CFAP54: variants seen among roughly 807,000 people sequenced by gnomAD.
The protein encoded by CFAP54 is cilia- and flagella-associated protein 54.
In CFAP54, 290 loss-of-function variants were observed where a neutral mutation model predicts 370.4. The observed-to-expected ratio is 0.78, with a 90% CI of 0.71 to 0.86. The LOEUF (loss-of-function observed/expected upper bound fraction) is 0.86, where lower values mean the gene tolerates loss of function less well. Among genes scored for constraint, CFAP54 ranks in the 40% least tolerant of loss-of-function variants. The pLI, the probability that CFAP54 is intolerant of heterozygous loss-of-function variation, is 0.00. For synonymous variants in CFAP54, 1,206 were observed against 1,236.5 expected (o/e 0.98, Z 0.52); for missense variants, 3,399 against 3,528.7 (o/e 0.96, Z 0.93).
At chr12:96,530,761 A>G (rs1380348973) in intron 9 of CFAP54, among the ~76,000 whole-genome samples, 3 of 152,204 alleles carry the variant, frequency 2.0e-5, no homozygotes, top group African/African-American at 7.2e-5. Flanking sequence ...CTGTCATACT[A>G]TTCTCCAGGG....
chr12:96,753,984 C>T, intron 56 of CFAP54, 86 bp downstream of exon 56: 1 of 1,385,966 alleles, frequency 7.2e-7, no homozygotes, highest in East Asian at 2.4e-5. Flanking sequence ...AATCTGGTCC[C>T]TGACTATAAA....
chr12:96,497,070 T>C (rs1954962589), intron 1 of CFAP54, among the ~76,000 whole-genome samples: 1 of 152,192 alleles, frequency 6.6e-6, no homozygotes, highest in Non-Finnish European at 1.5e-5. Flanking sequence ...AGCAGATATT[T>C]ATTGAGTACC....
intron 20 of CFAP54, among the ~76,000 whole-genome samples, chr12:96,579,190 A>AT (rs945420965): frequency 3.7e-4 from 55 of 148,460 alleles, no homozygotes; most frequent in African/African-American, 1.2e-3. Flanking sequence ...GATTCATCTG[A>AT]TTTTTTTTTT....
intron 17 of CFAP54, among the ~76,000 whole-genome samples, chr12:96,563,035 G>A (rs1315102713): frequency 6.6e-6 from 1 of 152,114 alleles, no homozygotes; most frequent in Non-Finnish European, 1.5e-5. Context: ...GAATTTTTGT[G>A]TCAGGTTTTA....
rs557281457 is a variant in CFAP54, at chr12:96,549,813, T to C, written c.2154+1835T>C. On this transcript the variant is annotated intron_variant, in intron 15 of 67. Coordinates refer to ENST00000524981, the MANE Select transcript of CFAP54 (RefSeq NM_001306084.2). The stretch of plus-strand genomic sequence containing the variant: ...TTCTCTTATATCTTACGTAAAGCAC[T>C]GAATCTCAACTTAGGGTTTTTAGAC... 3.2e-4 allele frequency among the ~76,000 whole-genome samples: 48 copies of C among 152,296 alleles called. No individual in the cohort carries two copies. The South Asian group carries it at 9.8e-3, about 31-fold the overall frequency.
intron 26 of CFAP54, among the ~76,000 whole-genome samples, chr12:96,600,914 AT>A (rs1294132107): frequency 6.6e-6 from 1 of 152,158 alleles, no homozygotes; most frequent in Admixed American, 6.5e-5. Flanking sequence ...AACAGAGACA[AT>A]TTGACTTCCT....
At chr12:96,667,758 T>C (rs1157335127) in intron 39 of CFAP54, among the ~76,000 whole-genome samples, 14 of 152,218 alleles carry the variant, frequency 9.2e-5, no homozygotes, top group Non-Finnish European at 1.6e-4. Context: ...TGGATCCTTG[T>C]TACTTATGCA....
chr12:96,659,744 G>A (rs1464244719), intron 38 of CFAP54, among the ~76,000 whole-genome samples: 1 of 152,182 alleles, frequency 6.6e-6, no homozygotes, highest in African/African-American at 2.4e-5. Flanking sequence ...ATTGCATACA[G>A]TTGTACTGTG....
Position 96,703,702 on chromosome 12 carries a change from G to A in CFAP54, c.6475-1041G>A, listed in dbSNP as rs150899353. On this transcript the variant is annotated intron_variant, in intron 46 of 67. Transcript: ENST00000524981. Reference sequence around the variant, plus strand: ...AAAACCAAAAATATTTATTCTGATAGCAATACAATTTTATCTCAAACTGGT... The same window carrying A: ...AAAACCAAAAATATTTATTCTGATAACAATACAATTTTATCTCAAACTGGT... Among the ~76,000 whole-genome samples the A allele has an allele frequency of 8.8e-4, 134 of 152,064 alleles. 1 individual carries two copies. In the South Asian group the frequency reaches 0.011, roughly 13 times the overall value.
chr12:96,714,038 A>G (rs977849744), intron 48 of CFAP54, among the ~76,000 whole-genome samples: 2 of 152,264 alleles, frequency 1.3e-5, no homozygotes, highest in Non-Finnish European at 1.5e-5. Flanking sequence ...AAAAGTTTCT[A>G]AAGCCTAACT....
At chr12:96,614,373 A>G (rs1035705801) in intron 26 of CFAP54, among the ~76,000 whole-genome samples, 3 of 152,220 alleles carry the variant, frequency 2.0e-5, no homozygotes, top group Non-Finnish European at 4.4e-5. Context: ...TCAAAATAAT[A>G]AGAGCTATTT....
rs71068819 is a variant in CFAP54, at chr12:96,621,875, GTTTTTTTTTTTTTTTTTT to G, written c.3771+169_3771+186del. Among the ~76,000 whole-genome samples, 17 of 50,036 alleles carry G rather than the reference GTTTTTTTTTTTTTTTTTT, an allele frequency of 3.4e-4. 1 individual carries two copies. Among genetic ancestry groups the G allele is most frequent in the Admixed American group, 1.4e-3 (4 of 2,844 alleles). 32.8% of individuals were successfully genotyped at this position (50,036 alleles called of 152,430 possible). A position where few individuals can be genotyped will look rare whatever the true frequency, so the allele number is the denominator to read the frequency against. On this transcript the variant is annotated intron_variant, in intron 27 of 67. Transcript: ENST00000524981. ...ATTATAGTAAAGAGCTTTTGGGTTT[GTTTTTTTTTTTTTTTTTT>G]TTTTTTTTTTTTTTAGTTATGGTCA... is the stretch of plus-strand genomic sequence containing the variant.
At chr12:96,696,191 A>G (rs1957438527) in intron 45 of CFAP54, among the ~76,000 whole-genome samples, 1 of 152,158 alleles carries the variant, frequency 6.6e-6, no homozygotes, top group Admixed American at 6.6e-5. Context: ...CAGTTACACT[A>G]GAGTGGAGGT....
At chr12:96,860,167 A>C (rs1361124955) in intron 66 of CFAP54, among the ~76,000 whole-genome samples, 2 of 132,952 alleles carry the variant, frequency 1.5e-5, no homozygotes, top group Non-Finnish European at 3.1e-5. Flanking sequence ...TTTAACCAGG[A>C]TTCAGACCCA....
At chr12:96,512,703 AT>A (rs761169416) in intron 4 of CFAP54, among the ~76,000 whole-genome samples, 77 of 152,148 alleles carry the variant, frequency 5.1e-4, no homozygotes, top group Non-Finnish European at 8.8e-5. Context: ...TGCCACTAGA[AT>A]TATTCTTTTG....
chr12:96,508,183 G>C (rs1316437248), intron 4 of CFAP54, among the ~76,000 whole-genome samples: 1 of 144,976 alleles, frequency 6.9e-6, no homozygotes, highest in Non-Finnish European at 1.5e-5. Flanking sequence ...CCAGAGTGGA[G>C]TGCAGTGTGG....
At chr12:96,532,012 C>T (rs1490851935) in intron 9 of CFAP54, among the ~76,000 whole-genome samples, 3 of 152,234 alleles carry the variant, frequency 2.0e-5, no homozygotes, top group Non-Finnish European at 4.4e-5. Context: ...AGGCATAAGC[C>T]ATCGCACCCG....
chr12:96,689,772 C>A (rs1957369899), intron 43 of CFAP54, among the ~76,000 whole-genome samples: 1 of 152,138 alleles, frequency 6.6e-6, no homozygotes, highest in Admixed American at 6.5e-5. Context: ...ATTTGAAATA[C>A]AAGACATTTT....
At chr12:96,669,175 G>T (rs560753007) in intron 39 of CFAP54, among the ~76,000 whole-genome samples, 1 of 152,314 alleles carries the variant, frequency 6.6e-6, no homozygotes, top group South Asian at 2.1e-4. Flanking sequence ...AACAGCAAAG[G>T]AAAAGGCAAA....
Sources: allele counts gnomAD v4.1 joint callset (sites outside exome capture counted in the v4.1 genomes callset), GRCh38; gene constraint gnomAD v4.1.1; transcripts MANE v1.5; gene names NCBI Gene and HGNC (gene_info 2026-07-23, HGNC 2026-07-21).